GALNT13: variants seen among roughly 807,000 people sequenced by gnomAD.
GALNT13 encodes UDP-GalNAc:polypeptide N-acetylgalactosaminyltransferase 13.
A neutral mutation model predicts 64.2 loss-of-function variants in GALNT13; 28 were observed. That is an observed-to-expected ratio of 0.44 (90% CI 0.32 to 0.60). The LOEUF (loss-of-function observed/expected upper bound fraction) is 0.60. Ranked by LOEUF, GALNT13 falls within the 20% of genes least tolerant of loss-of-function variation. GALNT13 has a pLI of 0.05. For missense variants in GALNT13, 577 were observed against 669.8 expected, an observed-to-expected ratio of 0.86 and a Z score of 1.53; for synonymous variants, 214 against 224.6, an observed-to-expected ratio of 0.95 and a Z score of 0.42.
intron 9 of GALNT13, among the ~76,000 whole-genome samples, chr2:154,346,473 C>T (rs555937040): frequency 3.9e-5 from 6 of 152,088 alleles, no homozygotes; most frequent in Admixed American, 2.0e-4. Flanking sequence ...ATAATTGAAT[C>T]GTGGGCGTGG....
the GALNT13 span, among the ~76,000 whole-genome samples, chr2:153,429,065 C>T: frequency 6.6e-6 from 1 of 152,114 alleles, no homozygotes; most frequent in Non-Finnish European, 1.5e-5. Flanking sequence ...ATCTCTTTCT[C>T]TTTCTCTCTC....
At chr2:153,325,104 C>G in the GALNT13 span, among the ~76,000 whole-genome samples, 1 of 139,444 alleles carries the variant, frequency 7.2e-6, no homozygotes, top group African/African-American at 2.7e-5. Flanking sequence ...GTGAATCCCT[C>G]TGGACCTGGG....
the GALNT13 span, among the ~76,000 whole-genome samples, chr2:153,335,439 T>C: frequency 6.6e-6 from 1 of 152,188 alleles, no homozygotes; most frequent in Non-Finnish European, 1.5e-5. Flanking sequence ...TGAGGTGATC[T>C]CAGATGGAGA....
intron 4 of GALNT13, among the ~76,000 whole-genome samples, chr2:154,204,386 G>T (rs1010330187): frequency 1.3e-5 from 2 of 152,152 alleles, no homozygotes; most frequent in Non-Finnish European, 2.9e-5. Context: ...TATACTGTAG[G>T]TATGCAATAA....
At chr2:154,375,261 C>G (rs1466869411) in intron 9 of GALNT13, among the ~76,000 whole-genome samples, 1 of 150,650 alleles carries the variant, frequency 6.6e-6, no homozygotes, top group Admixed American at 6.6e-5. Flanking sequence ...GTGCTGAGAT[C>G]ACAGGCTTGA....
chr2:153,269,075 A>T, the GALNT13 span, among the ~76,000 whole-genome samples: 1 of 152,246 alleles, frequency 6.6e-6, no homozygotes, highest in African/African-American at 2.4e-5. Context: ...TTTGTTACTT[A>T]TGCAAATTTC....
chr2:154,216,706 TATA>T (rs1273138933), intron 4 of GALNT13, among the ~76,000 whole-genome samples: 1 of 151,660 alleles, frequency 6.6e-6, no homozygotes, highest in Non-Finnish European at 1.5e-5. Context: ...TCTGTCTGCA[TATA>T]ATAATTAAGA....
At chr2:153,422,503 C>T in the GALNT13 span, among the ~76,000 whole-genome samples, 2 of 152,052 alleles carry the variant, frequency 1.3e-5, no homozygotes, top group Non-Finnish European at 2.9e-5. Flanking sequence ...CTGCATTGTC[C>T]ACTTAAAAAT....
At chr2:153,859,209 A>G in the GALNT13 span, among the ~76,000 whole-genome samples, 4 of 152,188 alleles carry the variant, frequency 2.6e-5, no homozygotes, top group Non-Finnish European at 5.9e-5. Flanking sequence ...AAGTAGGTTC[A>G]ATTTTTCTAG....
At chr2:154,148,752 C>T (rs557722858) in intron 4 of GALNT13, among the ~76,000 whole-genome samples, 34 of 152,252 alleles carry the variant, frequency 2.2e-4, no homozygotes, top group African/African-American at 5.1e-4. Context: ...TCATGTCCTT[C>T]GCCCAGTTTT....
the GALNT13 span, among the ~76,000 whole-genome samples, chr2:153,723,567 C>T: frequency 6.6e-6 from 1 of 151,474 alleles, no homozygotes; most frequent in African/African-American, 2.4e-5. Flanking sequence ...ATCGTCTCAG[C>T]CCAAAATCTC....
the GALNT13 span, among the ~76,000 whole-genome samples, chr2:153,589,761 A>AT: frequency 6.6e-6 from 1 of 152,198 alleles, no homozygotes; most frequent in Non-Finnish European, 1.5e-5. Flanking sequence ...TGTGAGACTT[A>AT]TTCACTATCA....
At chr2:153,783,600 C>T in the GALNT13 span, among the ~76,000 whole-genome samples, 20 of 152,204 alleles carry the variant, frequency 1.3e-4, no homozygotes, top group Non-Finnish European at 2.6e-4. Flanking sequence ...TATAGGGTTT[C>T]GCTGTGTGCC....
chr2:153,231,195 CG>C, the GALNT13 span, among the ~76,000 whole-genome samples: 2 of 152,104 alleles, frequency 1.3e-5, no homozygotes, highest in Non-Finnish European at 1.5e-5. Flanking sequence ...TGCCAGCAGA[CG>C]CATTAGGTTT....
the GALNT13 span, among the ~76,000 whole-genome samples, chr2:153,534,527 T>TC: frequency 1.4e-5 from 2 of 144,892 alleles, no homozygotes; most frequent in African/African-American, 5.0e-5. Flanking sequence ...TCTTTCTTTC[T>TC]TTTTTTTTTT....
chr2:154,365,656 T>G (rs1697324352), intron 9 of GALNT13, among the ~76,000 whole-genome samples: 1 of 152,236 alleles, frequency 6.6e-6, no homozygotes, highest in African/African-American at 2.4e-5. Flanking sequence ...AGTAAGGAAA[T>G]GTTTCTTCAC....
the GALNT13 span, among the ~76,000 whole-genome samples, chr2:153,328,734 T>C: frequency 1.3e-5 from 2 of 152,130 alleles, no homozygotes; most frequent in African/African-American, 4.8e-5. Context: ...GATCTTAGCA[T>C]GTTGGGCTCC....
intron 3 of GALNT13, among the ~76,000 whole-genome samples, chr2:153,997,989 C>T (rs1348304108): frequency 6.6e-6 from 1 of 152,138 alleles, no homozygotes; most frequent in East Asian, 1.9e-4. Context: ...TTTTTTATGT[C>T]TGCATAGTAT....
the GALNT13 span, among the ~76,000 whole-genome samples, chr2:153,242,428 A>G: frequency 6.6e-6 from 1 of 152,354 alleles, no homozygotes; most frequent in South Asian, 2.1e-4. Context: ...GAAACTGCTT[A>G]CTATATCTCT....
Sources: gnomAD v4.1 joint callset for allele counts (sites outside exome capture counted in the v4.1 genomes callset) on GRCh38, gnomAD v4.1.1 for gene constraint, MANE v1.5 for transcripts, NCBI Gene and HGNC (gene_info 2026-07-23, HGNC 2026-07-21) for gene names.